Variants in GLT8D2 observed in about 807,000 individuals in gnomAD.
GLT8D2 encodes the protein glycosyltransferase 8 domain containing 2, also known as glycosyltransferase 8 domain-containing protein 2.
A neutral mutation model predicts 44.5 loss-of-function variants in GLT8D2; 45 were observed. The ratio of observed to expected loss-of-function variants is 1.01; its 90% CI spans 0.80 to 1.30. The LOEUF (loss-of-function observed/expected upper bound fraction) is 1.30, where lower values mean the gene tolerates loss of function less well. Ranked by LOEUF, GLT8D2 falls within the 50% of genes most tolerant of loss-of-function variation. The pLI is 0.00. For missense variants in GLT8D2, 400 were observed against 430.4 expected, an observed-to-expected ratio of 0.93 and a Z score of 0.62; for synonymous variants, 156 against 157.2, an observed-to-expected ratio of 0.99 and a Z score of 0.06.
intron 1 of GLT8D2, among the ~76,000 whole-genome samples, chr12:104,063,601 G>T (rs1038215979): frequency 1.3e-5 from 2 of 152,158 alleles, no homozygotes; most frequent in African/African-American, 4.8e-5. Flanking sequence ...ATGGTATAAT[G>T]GTTGGATATG....
upstream of GLT8D2, chr12:104,064,377 G>A (rs904247253): frequency 8.0e-6 from 4 of 500,760 alleles, no homozygotes; most frequent in Non-Finnish European, 1.3e-5. The surrounding 1 kb of genome is among the most constrained non-coding windows in gnomAD (Gnocchi z 7.3). Flanking sequence ...GTGGGGGCGG[G>A]GCTCCCCTGT....
chr12:104,006,079 T>C (rs1377498979), intron 4 of GLT8D2, among the ~76,000 whole-genome samples: 1 of 152,122 alleles, frequency 6.6e-6, no homozygotes, highest in African/African-American at 2.4e-5. Flanking sequence ...TCATGTCCTT[T>C]GTAGGGACAT....
intron 1 of GLT8D2, among the ~76,000 whole-genome samples, chr12:104,045,476 A>G (rs1880983322): frequency 6.6e-6 from 1 of 152,202 alleles, no homozygotes; most frequent in Non-Finnish European, 1.5e-5. Context: ...ACTGGGCAGT[A>G]GCATCTTCAA....
intron 6 of GLT8D2, 33 bp from the exon 7 acceptor site, chr12:103,997,568 G>A (rs1873614995): frequency 1.3e-6 from 2 of 1,504,208 alleles, no homozygotes; most frequent in Admixed American, 1.7e-5. Flanking sequence ...GATGGTGGGG[G>A]AGAGGCATAT....
At chr12:104,064,208 A>C, upstream of GLT8D2, 1 of 187,938 alleles carries the variant, frequency 5.3e-6, no homozygotes, top group East Asian at 1.3e-4. The surrounding 1 kb of genome is among the most constrained non-coding windows in gnomAD (Gnocchi z 7.3). Context: ...CACACATCCT[A>C]GATGCTCAAT....
chr12:104,017,888 C>T (rs1425375821), intron 3 of GLT8D2, among the ~76,000 whole-genome samples: 1 of 152,190 alleles, frequency 6.6e-6, no homozygotes, highest in Non-Finnish European at 1.5e-5. Context: ...CCTCGCACTA[C>T]TGTTTTGAGA....
At chr12:104,022,647 C>T (rs141129866) in intron 1 of GLT8D2, among the ~76,000 whole-genome samples, 4 of 152,204 alleles carry the variant, frequency 2.6e-5, no homozygotes, top group African/African-American at 7.2e-5. Context: ...CACAGCCCCA[C>T]ACGAGTGTTC....
intron 6 of GLT8D2, 25 bp from the exon 7 acceptor site, chr12:103,997,560 T>C: frequency 1.9e-6 from 3 of 1,554,992 alleles, no homozygotes; most frequent in Non-Finnish European, 1.8e-6. Context: ...AAAGAAATGA[T>C]GGTGGGGGAG....
intron 4 of GLT8D2, among the ~76,000 whole-genome samples, chr12:104,009,134 G>T (rs1337715454): frequency 6.6e-6 from 1 of 152,218 alleles, no homozygotes; most frequent in Non-Finnish European, 1.5e-5. Context: ...ACCCCAGAAT[G>T]GTAGATCCAC....
intron 1 of GLT8D2, among the ~76,000 whole-genome samples, chr12:104,057,816 TTC>T (rs1882308098): frequency 6.6e-6 from 1 of 152,184 alleles, no homozygotes; most frequent in Non-Finnish European, 1.5e-5. Context: ...ACCTATTTCT[TTC>T]TTTCTTTTTT....
At position 104,058,284 on chromosome 12, in the gene GLT8D2, T is replaced by A. The variant is rs925960462; in HGVS notation, c.-423+5665A>T. Among the ~76,000 whole-genome samples the A allele has an allele frequency of 2.6e-5, 4 of 152,208 alleles. No individual in the cohort carries two copies. In the East Asian group the frequency reaches 7.7e-4, roughly 29 times the overall value. ...GACTGTGAGTTGGGGGAAATTTTCATGCAGTTGGTGCCTGGCAGATTGTGG... is the reference window on the plus strand; with the variant it reads ...GACTGTGAGTTGGGGGAAATTTTCAAGCAGTTGGTGCCTGGCAGATTGTGG... On this transcript the variant is annotated intron_variant, in intron 1 of 10. Coordinates refer to the GLT8D2 transcript ENST00000548660.
At chr12:104,007,233 G>GCTCTCTCTCT (rs57109528) in intron 4 of GLT8D2, among the ~76,000 whole-genome samples, 4,587 of 66,258 alleles carry the variant, frequency 0.069, 529 homozygotes, top group East Asian at 0.23. Context: ...TATACTTAAA[G>GCTCTCTCTCT]CTCTCTCTCT....
chr12:104,059,568 A>G (rs1566218407), intron 1 of GLT8D2, among the ~76,000 whole-genome samples: 1 of 152,158 alleles, frequency 6.6e-6, no homozygotes, highest in Non-Finnish European at 1.5e-5. Flanking sequence ...ACAGGCCACA[A>G]CAAGTTGAGG....
Position 104,003,178 on chromosome 12 carries a change from A to G in GLT8D2, c.241T>C (p.Leu81=). 1 of 1,614,108 alleles carries G rather than the reference A, an allele frequency of 6.2e-7. No homozygotes were observed. The highest frequency in any genetic ancestry group is 8.5e-7 in the Non-Finnish European group (1 of 1,180,002). ...SIYSNTDANI[L]FYVVGLRNTL... is the part of the protein sequence containing the mutation. The stretch of plus-strand genomic sequence containing the variant: ...TTCCGGAGTCCCACTACATAGAACA[A>G]GATGTTGGCGTCAGTGTTGCTGTAG... Residue 81 remains leucine, a synonymous_variant, in exon 5 of 11, where the codon TTG becomes CTG. Coordinates refer to ENST00000360814, the MANE Select transcript of GLT8D2 (RefSeq NM_001384711.1).
At chr12:104,007,266 C>CTCTCTCT (rs1555277856) in intron 4 of GLT8D2, among the ~76,000 whole-genome samples, 23 of 133,452 alleles carry the variant, frequency 1.7e-4, no homozygotes, top group East Asian at 2.2e-4. Context: ...CTCTCTCTCT[C>CTCTCTCT]CCCCCGCTCT....
intron 1 of GLT8D2, among the ~76,000 whole-genome samples, chr12:104,028,477 A>G (rs1878841105): frequency 6.6e-6 from 1 of 152,196 alleles, no homozygotes; most frequent in African/African-American, 2.4e-5. Context: ...GTGGAAAATC[A>G]TGTGGAAATC....
At chr12:103,996,713 T>A (rs1306274828) in intron 8 of GLT8D2, 22 bp downstream of exon 8, 1 of 1,541,898 alleles carries the variant, frequency 6.5e-7, no homozygotes, top group Non-Finnish European at 8.9e-7. Context: ...AAGGGAGGAT[T>A]TCTGAGACAG....
chr12:103,999,856 C>T (rs1002650253), intron 5 of GLT8D2, among the ~76,000 whole-genome samples: 2 of 152,190 alleles, frequency 1.3e-5, no homozygotes, highest in East Asian at 1.9e-4. Context: ...GTACTATCTT[C>T]GCCACGTGGT....
intron 9 of GLT8D2, chr12:103,993,903 A>G (rs1873084161): frequency 6.0e-6 from 1 of 167,222 alleles, no homozygotes; most frequent in South Asian, 1.9e-4. Context: ...CTTGTATTAG[A>G]CTTATTTTTA....
Sources: allele counts gnomAD v4.1 joint callset (sites outside exome capture counted in the v4.1 genomes callset), GRCh38; gene constraint gnomAD v4.1.1; non-coding constraint Gnocchi (gnomAD v3.1); transcripts MANE v1.5; gene names NCBI Gene and HGNC (gene_info 2026-07-23, HGNC 2026-07-21).